Variants in VPS13D observed in about 807,000 individuals in gnomAD.
VPS13D encodes vacuolar protein sorting 13 homolog D.
Under a neutral mutation model 461.9 loss-of-function variants are expected in VPS13D, and 187 were observed. The observed-to-expected ratio is 0.40, with a 90% CI of 0.36 to 0.46. The LOEUF (loss-of-function observed/expected upper bound fraction) is 0.46. VPS13D is among the 20% of genes least tolerant of loss of function. VPS13D has a pLI of 0.60. For synonymous variants in VPS13D, 1,951 were observed against 1,986.3 expected, an observed-to-expected ratio of 0.98 and a Z score of 0.47; for missense variants, 4,711 against 5,364.9, an observed-to-expected ratio of 0.88 and a Z score of 3.81.
chr1:12,348,910 A>G lies in VPS13D; in HGVS notation c.9157A>G (p.Ile3053Val), dbSNP rs966474941. Residue 3053 changes from isoleucine (I) to valine (V), a missense_variant, in exon 45 of 70, where the codon ATT becomes GTT. Physicochemically the swap from Ile to Val is conservative, Grantham distance 29 (BLOSUM62 3). This residue lies in a region of VPS13D where 4,411 missense variants were observed against 4,937.8 expected (regional missense o/e 0.89). Transcript: ENST00000620676. ...AGTCATCACTGTCCGGTCAGCCCTC[A>G]TTGTGAGGAACAGACTTGAGACACC... ...RKVITVRSAL[I>V]VRNRLETPME... 8.1e-6 allele frequency: 13 copies of G among 1,614,090 alleles called. No individual in the cohort carries two copies. In the African/African-American group the frequency reaches 1.5e-4, roughly 18 times the overall value.
chr1:12,433,263 A>G (rs375581352), intron 65 of VPS13D, among the ~76,000 whole-genome samples: 7 of 150,668 alleles, frequency 4.6e-5, no homozygotes, highest in Non-Finnish European at 8.8e-5. Context: ...TTGGGGAAAA[A>G]AAAAAAACAA....
chr1:12,395,649 C>A (rs1332688179), intron 60 of VPS13D, among the ~76,000 whole-genome samples: 3 of 152,090 alleles, frequency 2.0e-5, no homozygotes, highest in Non-Finnish European at 4.4e-5. Flanking sequence ...TAGGAGCAAC[C>A]AACCAGCTTC....
intron 46 of VPS13D, among the ~76,000 whole-genome samples, chr1:12,352,230 G>A (rs773555847): frequency 1.3e-5 from 2 of 152,104 alleles, no homozygotes; most frequent in Non-Finnish European, 2.9e-5. Flanking sequence ...GGCAGAGGTT[G>A]CAGTGAACTG....
chr1:12,333,359 G>A lies in VPS13D; in HGVS notation c.8421G>A (p.Val2807=), dbSNP rs757068608. The change falls in exon 38 of 70, where the codon GTG becomes GTA. Residue 2807 remains valine (V), a synonymous_variant. Coordinates refer to ENST00000620676, the MANE Select transcript of VPS13D (RefSeq NM_015378.4). ...KPRLDINITS[V]LIDQYVSTKE... The stretch of plus-strand genomic sequence containing the variant: ...GTTTGGATATCAATATCACTTCTGT[G>A]CTAATTGGTGAGTAGAAAGTTGTCT... 5 of 1,613,866 alleles carry A rather than the reference G, an allele frequency of 3.1e-6. No individual in the cohort carries two copies. Among genetic ancestry groups the A allele is most frequent in the Non-Finnish European group, 4.2e-6 (5 of 1,179,940 alleles).
intron 65 of VPS13D, among the ~76,000 whole-genome samples, chr1:12,433,235 C>T (rs1645015521): frequency 1.3e-5 from 2 of 151,106 alleles, no homozygotes; most frequent in African/African-American, 2.4e-5. Context: ...TTTGCCTTTT[C>T]GCTTTAATCT....
chr1:12,399,612 G>C (rs1369395701), intron 60 of VPS13D, among the ~76,000 whole-genome samples: 4 of 151,932 alleles, frequency 2.6e-5, no homozygotes, highest in Non-Finnish European at 5.9e-5. Context: ...CTGAGGTCAG[G>C]AGTTCAAGAC....
chr1:12,365,428 G>C (rs776714146), intron 52 of VPS13D, among the ~76,000 whole-genome samples: 1 of 152,070 alleles, frequency 6.6e-6, no homozygotes, highest in African/African-American at 2.4e-5. Flanking sequence ...TCATCAGGCC[G>C]GGCATGGTGG....
At chr1:12,416,992 T>G (rs1644801926) in intron 65 of VPS13D, among the ~76,000 whole-genome samples, 165 bp downstream of exon 65, 2 of 152,120 alleles carry the variant, frequency 1.3e-5, no homozygotes, top group East Asian at 3.9e-4. Context: ...TGCCACCAGG[T>G]GCACTGAGTC....
chr1:12,463,077 A>C (rs1043483430), intron 67 of VPS13D, among the ~76,000 whole-genome samples: 5 of 151,584 alleles, frequency 3.3e-5, no homozygotes, highest in Admixed American at 1.3e-4. Flanking sequence ...AAAAAAAAAA[A>C]CAACAACAAC....
chr1:12,298,187 A>G (rs1642328431), intron 24 of VPS13D, among the ~76,000 whole-genome samples: 1 of 152,176 alleles, frequency 6.6e-6, no homozygotes, highest in Non-Finnish European at 1.5e-5. Flanking sequence ...TTTTATAGAT[A>G]AGGAAACGGA....
At position 12,279,012 on chromosome 1, in the gene VPS13D, T is replaced by G. The variant is rs114433637; in HGVS notation, c.4451-487T>G. 2.5e-3 allele frequency among the ~76,000 whole-genome samples: 374 copies of G among 152,328 alleles called. 3 individuals carry two copies. Among genetic ancestry groups the G allele is most frequent in the Middle Eastern group, 0.014 (4 of 294 alleles). ...GGTCATCAGATGTTAATTCACTGAT[T>G]TGTTTTTATACTTATCAAAAGATAG... On this transcript the variant is annotated intron_variant, in intron 19 of 69. Transcript: ENST00000620676. This position sits in a 1 kb window ranked among gnomAD's most constrained non-coding sequence, Gnocchi z 4.3.
Position 12,276,041 on chromosome 1 carries a change from C to T in VPS13D, c.2453C>T (p.Ser818Leu), listed in dbSNP as rs201820442. Residue 818 changes from serine (S) to leucine (L), a missense_variant, in exon 19 of 70, where the codon TCG becomes TTG. Coordinates refer to ENST00000620676, the MANE Select transcript of VPS13D (RefSeq NM_015378.4). The surrounding 1 kb of genome is among the most constrained non-coding windows in gnomAD (Gnocchi z 4.5). ...AGCACAAAGATGTATGAGAGGTACT[C>T]GCTGTCATTTATGGACCTCCAGATC... is the stretch of plus-strand genomic sequence containing the variant. ...LMSTKMYERY[S>L]LSFMDLQIMV... 53 of 1,613,942 alleles carry T rather than the reference C, an allele frequency of 3.3e-5. No homozygotes were observed. In the Middle Eastern group the frequency reaches 6.6e-4, roughly 20 times the overall value.
At chr1:12,305,632 G>A (rs1040166504) in intron 26 of VPS13D, among the ~76,000 whole-genome samples, 9 of 152,256 alleles carry the variant, frequency 5.9e-5, no homozygotes, top group African/African-American at 1.7e-4. Flanking sequence ...TCATGTGCCC[G>A]ATAAGTGGGA....
intron 52 of VPS13D, among the ~76,000 whole-genome samples, chr1:12,367,401 C>T (rs1644050803): frequency 6.6e-6 from 1 of 152,080 alleles, no homozygotes; most frequent in Admixed American, 6.5e-5. Context: ...CAGCAGGCCT[C>T]TTTTTTGTGA....
chr1:12,357,382 G>C (rs760748880), intron 49 of VPS13D, among the ~76,000 whole-genome samples: 1 of 152,210 alleles, frequency 6.6e-6, no homozygotes, highest in Non-Finnish European at 1.5e-5. Context: ...GGCATGTGCA[G>C]CCAGCCCAGT....
chr1:12,346,662 A>T lies in VPS13D; in HGVS notation c.9069+10A>T, dbSNP rs933563652. 17 of 1,612,120 alleles carry T rather than the reference A, an allele frequency of 1.1e-5. No individual in the cohort carries two copies. The highest frequency in any genetic ancestry group is 1.4e-5 in the Non-Finnish European group (17 of 1,179,258). On this transcript the variant is annotated intron_variant, in intron 44 of 69. Transcript: ENST00000620676. ...ACATCCCCAGGTTTATGTAAGTATGATTTTCCTGTTGTCATTGTGTTTATT... is the reference window on the plus strand; with the variant it reads ...ACATCCCCAGGTTTATGTAAGTATGTTTTTCCTGTTGTCATTGTGTTTATT...
Position 12,283,419 on chromosome 1 carries a change from A to T in VPS13D, c.5317A>T (p.Ile1773Leu), listed in dbSNP as rs989470584. The change falls in exon 21 of 70, where the codon ATA (isoleucine) becomes TTA (leucine). Residue 1773 changes from isoleucine (I) to leucine (L), a missense_variant. Physicochemically the swap from Ile to Leu is conservative, Grantham distance 5 (BLOSUM62 2). This residue lies in a region of VPS13D where 4,411 missense variants were observed against 4,937.8 expected (regional missense o/e 0.89). Coordinates refer to ENST00000620676, the MANE Select transcript of VPS13D (RefSeq NM_015378.4). ...PPSPTVDEPK[I>L]LVGKSKFDDS... is the part of the protein sequence containing the mutation. Reference sequence around the variant, plus strand: ...TTCTCCAACAGTGGATGAGCCCAAGATACTTGTTGGAAAGAGTAAATTTGA... The same window carrying T: ...TTCTCCAACAGTGGATGAGCCCAAGTTACTTGTTGGAAAGAGTAAATTTGA... 36 of 1,614,102 alleles carry T rather than the reference A, an allele frequency of 2.2e-5. No individual in the cohort carries two copies. Among genetic ancestry groups the T allele is most frequent in the Non-Finnish European group, 2.9e-5 (34 of 1,180,034 alleles).
intron 58 of VPS13D, among the ~76,000 whole-genome samples, chr1:12,384,590 A>G (rs1398279353): frequency 6.6e-6 from 1 of 152,184 alleles, no homozygotes; most frequent in Non-Finnish European, 1.5e-5. Flanking sequence ...TCTCTGAGAT[A>G]GTGCATCACA....
chr1:12,455,103 TG>T (rs1420226898), intron 65 of VPS13D, among the ~76,000 whole-genome samples: 1 of 152,174 alleles, frequency 6.6e-6, no homozygotes, highest in Non-Finnish European at 1.5e-5. Flanking sequence ...GTGGAAAGGG[TG>T]GGTTTGCATT....
Sources: gnomAD v4.1 joint callset for allele counts (sites outside exome capture counted in the v4.1 genomes callset) on GRCh38, gnomAD v4.1.1 for gene constraint, gnomAD v4.1.1 regional missense constraint, Gnocchi (gnomAD v3.1) non-coding constraint, MANE v1.5 for transcripts, NCBI Gene and HGNC (gene_info 2026-07-23, HGNC 2026-07-21) for gene names.